EXOC4: variants seen among roughly 807,000 people sequenced by gnomAD.
The protein encoded by EXOC4 is exocyst complex component 4.
A neutral mutation model predicts 107.2 loss-of-function variants in EXOC4; 71 were observed. The observed-to-expected ratio is 0.66, with a 90% CI of 0.55 to 0.81. The LOEUF (loss-of-function observed/expected upper bound fraction) is 0.81, where lower values mean the gene tolerates loss of function less well. Among genes scored for constraint, EXOC4 ranks in the 30% least tolerant of loss-of-function variants. The probability of loss-of-function intolerance (pLI) is 0.00; values close to 1 mark genes in which losing one functional copy is unlikely to be tolerated. For missense variants in EXOC4, 1,108 were observed against 1,189.6 expected, an observed-to-expected ratio of 0.93 and a Z score of 1.01; for synonymous variants, 456 against 441.2, an observed-to-expected ratio of 1.03 and a Z score of -0.42.
chr7:134,076,554 A>G, the EXOC4 span, among the ~76,000 whole-genome samples: 1 of 152,102 alleles, frequency 6.6e-6, no homozygotes, highest in Admixed American at 6.5e-5. Context: ...TGTGTTGTTC[A>G]CTCAAGGAGT....
chr7:133,404,871 G>GC (rs149404161), intron 7 of EXOC4, among the ~76,000 whole-genome samples: 4,020 of 86,582 alleles, frequency 0.046, 204 homozygotes, highest in Middle Eastern at 0.061. Flanking sequence ...CACCCCCTGC[G>GC]CCCCCCCCCC....
chr7:133,728,776 A>G (rs2151114585), intron 10 of EXOC4, among the ~76,000 whole-genome samples: 1 of 152,290 alleles, frequency 6.6e-6, no homozygotes, highest in East Asian at 1.9e-4. Context: ...TTTCTAGCCC[A>G]GACACTCCAA....
chr7:133,558,037 A>G (rs1800728048), intron 9 of EXOC4, among the ~76,000 whole-genome samples: 1 of 152,142 alleles, frequency 6.6e-6, no homozygotes, highest in African/African-American at 2.4e-5. Flanking sequence ...TAGTATGATA[A>G]GTGTTTTCCC....
intron 2 of EXOC4, among the ~76,000 whole-genome samples, chr7:133,278,074 G>A (rs369044257): frequency 1.3e-5 from 2 of 152,118 alleles, no homozygotes; most frequent in African/African-American, 4.8e-5. Flanking sequence ...GCAAATATCT[G>A]TTGAGTGCCC....
chr7:133,494,281 C>T lies in EXOC4; in HGVS notation c.1417+14143C>T, dbSNP rs562769028. Among the ~76,000 whole-genome samples, 11 of 152,114 alleles carry T rather than the reference C, an allele frequency of 7.2e-5. No homozygotes were observed. In the East Asian group the frequency reaches 2.1e-3, roughly 29 times the overall value. ...AATAATGCTTTACTAGCTCTGTGAG[C>T]GTCCCTAGCACAGTCAAGTTGACAT... On this transcript the variant is annotated intron_variant, in intron 9 of 17. Coordinates refer to ENST00000253861, the MANE Select transcript of EXOC4 (RefSeq NM_021807.4).
intron 14 of EXOC4, among the ~76,000 whole-genome samples, chr7:133,944,926 AAATTTCTTCACTAAAAAT>A (rs1256349538): frequency 6.6e-6 from 1 of 152,190 alleles, no homozygotes; most frequent in Non-Finnish European, 1.5e-5. Context: ...GAGTTTAACT[AAATTTCTTCACTAAAAAT>A]AAAGTCTTAT....
intron 9 of EXOC4, among the ~76,000 whole-genome samples, chr7:133,530,131 C>T (rs1800155057): frequency 6.6e-6 from 1 of 152,202 alleles, no homozygotes; most frequent in African/African-American, 2.4e-5. Flanking sequence ...GGCTCTCAAT[C>T]ACTACGCTAC....
intron 9 of EXOC4, among the ~76,000 whole-genome samples, chr7:133,573,639 C>T (rs902972530): frequency 2.0e-4 from 30 of 152,114 alleles, no homozygotes; most frequent in African/African-American, 6.8e-4. Context: ...CCCCTCTCTC[C>T]CCTCCCCTCC....
At chr7:133,953,163 C>A (rs1413917426) in intron 14 of EXOC4, among the ~76,000 whole-genome samples, 1 of 152,176 alleles carries the variant, frequency 6.6e-6, no homozygotes, top group Admixed American at 6.5e-5. Context: ...ATGCTAAGAT[C>A]TTGGCCAGGC....
chr7:133,464,811 G>GTTTTTTTTTTTTTTTTTTTTTTTTT lies in EXOC4; in HGVS notation c.1183-10516_1183-10492dup, dbSNP rs3046149. On this transcript the variant is annotated intron_variant, in intron 7 of 17. Transcript: ENST00000253861. The stretch of plus-strand genomic sequence containing the variant: ...TTTTTTTTTTTTGTTGGTTGGGTTG[G>GTTTTTTTTTTTTTTTTTTTTTTTTT]TTTTTTTTTTTTTTTTTTTTTTTTT... 7.8e-5 allele frequency among the ~76,000 whole-genome samples: 4 copies of GTTTTTTTTTTTTTTTTTTTTTTTTT among 51,298 alleles called. 2 individuals are homozygous for GTTTTTTTTTTTTTTTTTTTTTTTTT. Among genetic ancestry groups the GTTTTTTTTTTTTTTTTTTTTTTTTT allele is most frequent in the African/African-American group, 1.7e-4 (2 of 12,034 alleles). The allele number at this position is 51,298 out of a possible 152,430, so 33.7% of individuals were successfully genotyped here.
intron 10 of EXOC4, among the ~76,000 whole-genome samples, chr7:133,710,912 A>G (rs901996599): frequency 1.6e-5 from 1 of 61,830 alleles, no homozygotes; most frequent in Non-Finnish European, 3.8e-5. Context: ...TTTAACAGCC[A>G]GAAAAAAAAA....
chr7:133,674,672 G>T (rs1794018077), intron 10 of EXOC4, among the ~76,000 whole-genome samples: 1 of 152,122 alleles, frequency 6.6e-6, no homozygotes, highest in Admixed American at 6.5e-5. Flanking sequence ...TTGATTTAAA[G>T]AACTTCTCCA....
chr7:133,658,601 G>A lies in EXOC4; in HGVS notation c.1514+28460G>A, dbSNP rs186641391. Among the ~76,000 whole-genome samples the A allele has an allele frequency of 7.4e-4, 112 of 152,208 alleles. 1 individual carries two copies. The East Asian group carries it at 0.014, about 19-fold the overall frequency. ...AGATTGGCTATGTCTTTGGGGTAAC[G>A]CTGCAGTTTACAGTCACCTCTTCTA... On this transcript the variant is annotated intron_variant, in intron 10 of 17. Coordinates refer to ENST00000253861, the MANE Select transcript of EXOC4 (RefSeq NM_021807.4).
chr7:133,757,944 C>T (rs984225022), intron 10 of EXOC4, among the ~76,000 whole-genome samples: 1 of 152,134 alleles, frequency 6.6e-6, no homozygotes, highest in African/African-American at 2.4e-5. Context: ...CTCAGGATGT[C>T]GAGCTGCAGA....
At chr7:133,514,938 T>C (rs546753006) in intron 9 of EXOC4, among the ~76,000 whole-genome samples, 155 of 152,308 alleles carry the variant, frequency 1.0e-3, no homozygotes, top group African/African-American at 3.6e-3. Flanking sequence ...AAGGATAGTC[T>C]GAACTTTTTT....
chr7:133,567,339 G>A (rs879507331), intron 9 of EXOC4, among the ~76,000 whole-genome samples: 1 of 147,274 alleles, frequency 6.8e-6, no homozygotes, highest in Non-Finnish European at 1.5e-5. Context: ...TTTTCATTTT[G>A]TATATCATGG....
intron 4 of EXOC4, among the ~76,000 whole-genome samples, chr7:133,312,293 T>C (rs1450320815): frequency 6.6e-6 from 1 of 152,148 alleles, no homozygotes; most frequent in Non-Finnish European, 1.5e-5. Flanking sequence ...ATAGCATAGA[T>C]AGTATGAACC....
chr7:134,044,237 G>C (rs1378553121), intron 17 of EXOC4, among the ~76,000 whole-genome samples: 1 of 152,106 alleles, frequency 6.6e-6, no homozygotes, highest in Non-Finnish European at 1.5e-5. Context: ...TGAGCCACAG[G>C]GAAGTAATCA....
Position 133,717,771 on chromosome 7 carries a change from G to T in EXOC4, c.1514+87630G>T, listed in dbSNP as rs527365648. ...TGAAGTTACTAAATATAAGGCTCTT[G>T]TCTTATCCTTGGGGAGCTTACAGTT... On this transcript the variant is annotated intron_variant, in intron 10 of 17. Transcript: ENST00000253861. 5.9e-5 allele frequency among the ~76,000 whole-genome samples: 9 copies of T among 152,262 alleles called. No homozygotes were observed. In the South Asian group the frequency reaches 1.9e-3, roughly 32 times the overall value.
Sources: allele counts gnomAD v4.1 joint callset (sites outside exome capture counted in the v4.1 genomes callset), GRCh38; gene constraint gnomAD v4.1.1; transcripts MANE v1.5; gene names NCBI Gene and HGNC (gene_info 2026-07-23, HGNC 2026-07-21).